Variants in SEC11A observed in about 807,000 individuals in gnomAD.
SEC11A encodes SEC11 homolog A, signal peptidase complex subunit.
In SEC11A, 14 loss-of-function variants were observed where a neutral mutation model predicts 25.6. That is an observed-to-expected ratio of 0.55 (90% CI 0.36 to 0.85). The LOEUF (loss-of-function observed/expected upper bound fraction) is 0.85. Among genes scored for constraint, SEC11A ranks in the 40% least tolerant of loss-of-function variants. SEC11A has a pLI of 0.01. For synonymous variants in SEC11A, 83 were observed against 76.4 expected (o/e 1.09, Z -0.45); for missense variants, 153 against 222.9 (o/e 0.69, Z 2.00).
rs1896930785 is a variant in SEC11A, at chr15:84,669,749, T to TA, written c.*269dup. ...GGGGCTTTGGCTCAACCTTTTAATA[T>TA]AAAAAAATTCACTGATGTACAAAAA... On this transcript the variant is annotated 3_prime_UTR_variant, in exon 6 of 6. Transcript: ENST00000268220. 2.3e-6 allele frequency: 1 copy of TA among 427,084 alleles called. No homozygotes were observed. Among genetic ancestry groups the TA allele is most frequent in the Non-Finnish European group, 4.2e-6 (1 of 238,480 alleles). The allele number at this position is 427,084 out of a possible 1,614,324, so 26.5% of individuals were successfully genotyped here. A position where few individuals can be genotyped will look rare whatever the true frequency, so the allele number is the denominator to read the frequency against.
At chr15:84,683,561 AT>A (rs34537315) in intron 3 of SEC11A, among the ~76,000 whole-genome samples, 48 of 146,324 alleles carry the variant, frequency 3.3e-4, no homozygotes, top group African/African-American at 3.2e-4. Flanking sequence ...TATTAGACCT[AT>A]TTTTTTTTTT....
At chr15:84,689,264 A>C (rs1897527483) in intron 2 of SEC11A, among the ~76,000 whole-genome samples, 1 of 152,062 alleles carries the variant, frequency 6.6e-6, no homozygotes, top group Admixed American at 6.6e-5. Context: ...TCTTATCACA[A>C]AAAAATAGAA....
intron 1 of SEC11A, among the ~76,000 whole-genome samples, chr15:84,709,356 T>C (rs1405197731): frequency 1.3e-5 from 2 of 152,044 alleles, no homozygotes; most frequent in Admixed American, 6.6e-5. Context: ...GAATGATTTA[T>C]AATTAAAAAT....
intron 1 of SEC11A, among the ~76,000 whole-genome samples, chr15:84,709,002 C>A (rs1349943401): frequency 6.6e-6 from 1 of 151,920 alleles, no homozygotes; most frequent in Non-Finnish European, 1.5e-5. Flanking sequence ...ATATAAGTGG[C>A]CTGCGGGGAG....
intron 1 of SEC11A, among the ~76,000 whole-genome samples, chr15:84,707,628 A>G (rs1290204800): frequency 6.6e-6 from 1 of 152,284 alleles, no homozygotes; most frequent in South Asian, 2.1e-4. Flanking sequence ...TGGATTCTAC[A>G]GCTCACTTTC....
At chr15:84,679,444 T>G (rs1042536543) in intron 4 of SEC11A, among the ~76,000 whole-genome samples, 2 of 152,198 alleles carry the variant, frequency 1.3e-5, no homozygotes, top group Non-Finnish European at 2.9e-5. Flanking sequence ...ACTGAGCATC[T>G]CTCGTGCTGT....
intron 1 of SEC11A, among the ~76,000 whole-genome samples, chr15:84,712,238 TC>T (rs1373132791): frequency 2.1e-5 from 2 of 95,936 alleles, no homozygotes; most frequent in Non-Finnish European, 3.7e-5. Context: ...AGAGACCTTG[TC>T]TTAAAAAAAA....
chr15:84,697,279 TA>T (rs1897795632), intron 1 of SEC11A, among the ~76,000 whole-genome samples: 1 of 151,908 alleles, frequency 6.6e-6, no homozygotes, highest in African/African-American at 2.4e-5. Flanking sequence ...AATAATACAA[TA>T]AAAATGAACA....
At chr15:84,688,722 T>C (rs1416647176) in intron 2 of SEC11A, among the ~76,000 whole-genome samples, 2 of 152,198 alleles carry the variant, frequency 1.3e-5, no homozygotes, top group African/African-American at 4.8e-5. Flanking sequence ...CACATTGGAA[T>C]GACCTGAGGG....
chr15:84,672,447 TTGG>T (rs1489390403), intron 4 of SEC11A: 1 of 161,178 alleles, frequency 6.2e-6, no homozygotes, highest in Non-Finnish European at 1.4e-5. Flanking sequence ...TCGTATTTTT[TTGG>T]TGGAGACGGG....
intron 4 of SEC11A, chr15:84,672,169 C>T (rs1418649294): frequency 6.5e-6 from 1 of 153,730 alleles, no homozygotes; most frequent in East Asian, 1.9e-4. Context: ...ACTTGAAGAA[C>T]ACACATTTTG....
At chr15:84,687,867 T>A in intron 2 of SEC11A, 93 bp from the exon 3 acceptor site, 1 of 1,067,976 alleles carries the variant, frequency 9.4e-7, no homozygotes, top group African/African-American at 1.6e-5. Flanking sequence ...AAAATATCAC[T>A]TTGGGAGTAT....
intron 4 of SEC11A, among the ~76,000 whole-genome samples, chr15:84,680,350 A>G (rs911554234): frequency 6.6e-6 from 1 of 152,146 alleles, no homozygotes; most frequent in African/African-American, 2.4e-5. Context: ...AGGCAGGATT[A>G]ATAGTGCTCT....
At chr15:84,710,668 C>A (rs940982992) in intron 1 of SEC11A, among the ~76,000 whole-genome samples, 1 of 152,004 alleles carries the variant, frequency 6.6e-6, no homozygotes, top group Non-Finnish European at 1.5e-5. Flanking sequence ...AAATTTGCTA[C>A]ACTTTAAATA....
chr15:84,707,043 C>T (rs1435974269), intron 1 of SEC11A, among the ~76,000 whole-genome samples: 1 of 152,172 alleles, frequency 6.6e-6, no homozygotes, highest in African/African-American at 2.4e-5. Flanking sequence ...ATGTGGAATC[C>T]TGTCCCACAC....
At chr15:84,702,245 G>C (rs943541916) in intron 1 of SEC11A, among the ~76,000 whole-genome samples, 1 of 150,482 alleles carries the variant, frequency 6.6e-6, no homozygotes, top group Non-Finnish European at 1.5e-5. Context: ...CGGATCACCT[G>C]AGATCAGGAG....
At chr15:84,680,915 G>A in intron 3 of SEC11A, 83 bp from the exon 4 acceptor site, 5 of 1,269,274 alleles carry the variant, frequency 3.9e-6, no homozygotes, top group Non-Finnish European at 5.4e-6. Flanking sequence ...AACCAAACAT[G>A]TTTGTGGCAC....
At chr15:84,707,232 C>T (rs1214809724) in intron 1 of SEC11A, among the ~76,000 whole-genome samples, 2 of 142,504 alleles carry the variant, frequency 1.4e-5, no homozygotes, top group African/African-American at 5.2e-5. Flanking sequence ...TGTCGCCAGC[C>T]TGGAGTGCAG....
intron 2 of SEC11A, among the ~76,000 whole-genome samples, chr15:84,688,681 G>A (rs1897501651): frequency 6.6e-6 from 1 of 152,204 alleles, no homozygotes; most frequent in Non-Finnish European, 1.5e-5. Flanking sequence ...TCTATGTAAA[G>A]GGATATGGCA....
Sources: gnomAD v4.1 joint callset for allele counts (sites outside exome capture counted in the v4.1 genomes callset) on GRCh38, gnomAD v4.1.1 for gene constraint, MANE v1.5 for transcripts, NCBI Gene and HGNC (gene_info 2026-07-23, HGNC 2026-07-21) for gene names.